Variants in DAB2 observed in about 807,000 individuals in gnomAD.
DAB2 encodes disabled homolog 2.
A neutral mutation model predicts 71.6 loss-of-function variants in DAB2; 28 were observed. That is an observed-to-expected ratio of 0.39 (90% CI 0.29 to 0.54). The LOEUF is 0.54. Ranked by LOEUF, DAB2 falls within the 20% of genes least tolerant of loss-of-function variation. DAB2 has a pLI of 0.68. For synonymous variants in DAB2, 345 were observed against 339.7 expected, an observed-to-expected ratio of 1.02 and a Z score of -0.17; for missense variants, 867 against 928.8, an observed-to-expected ratio of 0.93 and a Z score of 0.86.
chr5:39,397,597 G>A (rs1219428061), intron 1 of DAB2, among the ~76,000 whole-genome samples: 2 of 152,232 alleles, frequency 1.3e-5, no homozygotes, highest in South Asian at 4.2e-4. Context: ...GTTAGTATTC[G>A]AGTGGGAATT....
At chr5:39,380,917 G>A (rs949557889) in intron 11 of DAB2, among the ~76,000 whole-genome samples, 2 of 152,136 alleles carry the variant, frequency 1.3e-5, no homozygotes, top group East Asian at 1.9e-4. Context: ...ATGTGTGCCT[G>A]ATCTACCCTT....
At chr5:39,414,468 A>G (rs1032871248) in intron 1 of DAB2, among the ~76,000 whole-genome samples, 2 of 152,148 alleles carry the variant, frequency 1.3e-5, no homozygotes, top group Non-Finnish European at 2.9e-5. Context: ...GTTTGTGGAT[A>G]AAGTATCAGG....
chr5:39,375,111 T>C, intron 13 of DAB2, 27 bp from the exon 14 acceptor site: 1 of 1,520,552 alleles, frequency 6.6e-7, no homozygotes, highest in South Asian at 1.2e-5. Flanking sequence ...ATCTAGTCAA[T>C]AAATACAGTT....
chr5:39,404,874 T>C (rs1413429091), intron 1 of DAB2, among the ~76,000 whole-genome samples: 1 of 152,228 alleles, frequency 6.6e-6, no homozygotes, highest in Non-Finnish European at 1.5e-5. Context: ...CCACTGCACT[T>C]GGCCTTTAGA....
At chr5:39,400,240 T>C (rs965097545) in intron 1 of DAB2, among the ~76,000 whole-genome samples, 8 of 152,074 alleles carry the variant, frequency 5.3e-5, no homozygotes, top group Admixed American at 3.9e-4. Flanking sequence ...TCTCTTTTTT[T>C]TTTTTTCTTG....
intron 1 of DAB2, among the ~76,000 whole-genome samples, chr5:39,409,131 T>TAA (rs893104991): frequency 2.1e-5 from 3 of 140,832 alleles, no homozygotes; most frequent in African/African-American, 5.2e-5. Context: ...TTATGATTAT[T>TAA]AAAAAAAAAA....
intron 1 of DAB2, among the ~76,000 whole-genome samples, chr5:39,394,795 A>G (rs1199357887): frequency 6.6e-6 from 1 of 152,186 alleles, no homozygotes; most frequent in African/African-American, 2.4e-5. Flanking sequence ...GCCTGGTAAG[A>G]CTGCAAATGC....
chr5:39,399,418 A>G (rs1022805192), intron 1 of DAB2, among the ~76,000 whole-genome samples: 8 of 152,234 alleles, frequency 5.3e-5, no homozygotes, highest in Non-Finnish European at 8.8e-5. Flanking sequence ...AAAGAGAAGT[A>G]AGATGACACA....
chr5:39,378,914 C>A (rs962365929), intron 11 of DAB2, among the ~76,000 whole-genome samples: 3 of 152,142 alleles, frequency 2.0e-5, no homozygotes, highest in Non-Finnish European at 2.9e-5. Context: ...CCTTTCATAA[C>A]AAATCAAGAG....
At chr5:39,404,086 T>C (rs1349096325) in intron 1 of DAB2, among the ~76,000 whole-genome samples, 1 of 152,030 alleles carries the variant, frequency 6.6e-6, no homozygotes, top group Admixed American at 6.6e-5. Flanking sequence ...ACAATAAACA[T>C]ACGTGTGCAT....
At chr5:39,404,970 A>T (rs1755581094) in intron 1 of DAB2, among the ~76,000 whole-genome samples, 1 of 152,220 alleles carries the variant, frequency 6.6e-6, no homozygotes, top group Admixed American at 6.5e-5. Flanking sequence ...CAATTTTGCA[A>T]TTGTATTTTT....
At chr5:39,389,024 G>T in intron 7 of DAB2, 73 bp downstream of exon 7, 3 of 1,456,170 alleles carry the variant, frequency 2.1e-6, no homozygotes, top group Admixed American at 1.7e-5. Flanking sequence ...GGCGAGAGTG[G>T]TTGGGCAGGT....
Position 39,389,857 on chromosome 5 carries a change from T to C in DAB2, c.538A>G (p.Lys180Glu). 6.5e-7 allele frequency: 1 copy of C among 1,545,552 alleles called. No individual in the cohort carries two copies. The highest frequency in any genetic ancestry group is 8.9e-7 in the Non-Finnish European group (1 of 1,128,078). Reference protein sequence around the residue: ...YNVKKKEEEKKKIEEASKAVE... With the variant: ...YNVKKKEEEKEKIEEASKAVE... ...CTTAATCAGGTAGTACTTGCCTTTT[T>C]CTTTTCTTCTTCCTTTTTCTTTACA... Residue 180 changes from lysine (K) to glutamate (E), a missense_variant, in exon 6 of 15, where the codon AAA becomes GAA. By Grantham distance (56) the Lys-to-Glu change is moderately conservative. Around this residue, in one of 2 missense-constraint regions of DAB2, gnomAD observed 740 missense variants for 734.3 expected, o/e 1.01. Coordinates refer to ENST00000320816, the MANE Select transcript of DAB2 (RefSeq NM_001343.4).
chr5:39,390,093 C>A (rs1359168073), intron 5 of DAB2, among the ~76,000 whole-genome samples, 161 bp from the exon 6 acceptor site: 2 of 151,972 alleles, frequency 1.3e-5, no homozygotes, highest in Non-Finnish European at 2.9e-5. Context: ...CCAATCCTCA[C>A]CCTTAGGTAT....
At chr5:39,374,919 C>G (rs908109836) in intron 14 of DAB2, 95 bp downstream of exon 14, 1 of 808,182 alleles carries the variant, frequency 1.2e-6, no homozygotes, top group African/African-American at 1.7e-5. Flanking sequence ...TATTTACCCT[C>G]TTCCCAATTC....
Position 39,393,305 on chromosome 5 carries a change from C to T in DAB2, c.180G>A (p.Val60=). The change falls in exon 3 of 15, where the codon GTG becomes GTA. Residue 60 remains valine, a synonymous_variant. Transcript: ENST00000320816. Reference sequence around the variant, plus strand: ...TCATTTTATCCCCTCTTGCATCTGGCACATCATCAATGCCAATCAGCTTGG... The same window carrying T: ...TCATTTTATCCCCTCTTGCATCTGGTACATCATCAATGCCAATCAGCTTGG... ...YKAKLIGIDD[V]PDARGDKMSQ... The T allele has an allele frequency of 6.2e-7, 1 of 1,614,024 alleles. No homozygotes were observed. The highest frequency in any genetic ancestry group is 8.5e-7 in the Non-Finnish European group (1 of 1,179,950).
chr5:39,390,312 T>C, intron 5 of DAB2, 132 bp downstream of exon 5: 2 of 1,161,976 alleles, frequency 1.7e-6, no homozygotes, highest in Non-Finnish European at 2.4e-6. Flanking sequence ...CCAATAAAAA[T>C]AGTCATTCTC....
At chr5:39,385,465 G>A (rs1199967186) in intron 9 of DAB2, 1 of 152,118 alleles carries the variant, frequency 6.6e-6, no homozygotes, top group Non-Finnish European at 1.5e-5. Context: ...CTCAGGCTGG[G>A]TTTGTTATTA....
Position 39,381,442 on chromosome 5 carries a change from C to G in DAB2, c.1504+12G>C. 6.2e-7 allele frequency: 1 copy of G among 1,609,550 alleles called. No individual in the cohort carries two copies. Among genetic ancestry groups the G allele is most frequent in the Non-Finnish European group, 8.5e-7 (1 of 1,178,308 alleles). ...AAAAGAGTCATACTTAATTTTATCT[C>G]TAGGCACCTACCTAGACCCACCAGG... On this transcript the variant is annotated intron_variant, in intron 11 of 14. Coordinates refer to ENST00000320816, the MANE Select transcript of DAB2 (RefSeq NM_001343.4).
Sources: gnomAD v4.1 joint callset for allele counts (sites outside exome capture counted in the v4.1 genomes callset) on GRCh38, gnomAD v4.1.1 for gene constraint, gnomAD v4.1.1 regional missense constraint, MANE v1.5 for transcripts, NCBI Gene and HGNC (gene_info 2026-07-23, HGNC 2026-07-21) for gene names.